FZD4: variants seen among roughly 807,000 people sequenced by gnomAD.
FZD4 encodes the protein frizzled-4.
FZD4 carries 16 observed loss-of-function variants against 37.3 expected under a neutral mutation model. That is an observed-to-expected ratio of 0.43 (90% CI 0.29 to 0.65). The LOEUF is 0.65. FZD4 is among the 30% of genes least tolerant of loss of function. The pLI is 0.16. For synonymous variants in FZD4, 246 were observed against 254.8 expected, an observed-to-expected ratio of 0.97 and a Z score of 0.33; for missense variants, 599 against 674.3, an observed-to-expected ratio of 0.89 and a Z score of 1.24.
At position 86,951,862 on chromosome 11, in the gene FZD4, C is replaced by G. The variant is rs2135040920; in HGVS notation, c.894G>C (p.Lys298Asn). Reference sequence around the variant, plus strand: ...AGAAAATTATTGCACATCCTGTGTTCTTAAGTCCTTCTTGGATGAGAACAG... The same window carrying G: ...AGAAAATTATTGCACATCCTGTGTTGTTAAGTCCTTCTTGGATGAGAACAG... ...AEPVLIQEGL[K>N]NTGCAIIFLL... The change falls in exon 2 of 2, where the codon AAG (lysine) becomes AAC (asparagine). Residue 298 changes from lysine (K) to asparagine (N), a missense_variant. Lys to Asn is a moderately conservative substitution (Grantham distance 94, BLOSUM62 0). This residue lies in a region of FZD4 where 357 missense variants were observed against 396.1 expected (regional missense o/e 0.90). Transcript: ENST00000531380. 1.2e-6 allele frequency: 2 copies of G among 1,613,590 alleles called. No homozygotes were observed. The highest frequency in any genetic ancestry group is 1.7e-6 in the Non-Finnish European group (2 of 1,180,002).
chr11:86,955,362 G>C lies in FZD4; in HGVS notation c.-277C>G, dbSNP rs962818789. ...GGCCGCGTCCGTTCGGCGTCTCCGC[G>C]AGGCCAGCCAGCAGCCAGCGCTGCG... On this transcript the variant is annotated 5_prime_UTR_variant, in exon 1 of 2. Transcript: ENST00000531380. 1.8e-5 allele frequency: 6 copies of C among 342,468 alleles called. No individual in the cohort carries two copies. The highest frequency in any genetic ancestry group is 2.3e-4 in the South Asian group (2 of 8,644). The allele number at this position is 342,468 out of a possible 1,614,324, so 21.2% of individuals were successfully genotyped here.
chr11:86,951,308 A>G lies in FZD4; in HGVS notation c.1448T>C (p.Met483Thr), dbSNP rs777938879. ...NMAVEMLKIFMSLLVGITSGM... is the reference protein window; with the variant it reads ...NMAVEMLKIFTSLLVGITSGM... ...TGAAGTGATGCCCACCAACAAAGACATAAAAATTTTCAACATTTCAACAGC... is the reference window on the plus strand; with the variant it reads ...TGAAGTGATGCCCACCAACAAAGACGTAAAAATTTTCAACATTTCAACAGC... Residue 483 changes from methionine (M) to threonine (T), a missense_variant, in exon 2 of 2, where the codon ATG (methionine) becomes ACG (threonine). Transcript: ENST00000531380. 1.1e-5 allele frequency: 17 copies of G among 1,614,048 alleles called. No individual in the cohort carries two copies. In the South Asian group the frequency reaches 1.9e-4, roughly 18 times the overall value.
In FZD4 at chr11:86,948,480, C is replaced by T. The variant is rs552525438; in HGVS notation, c.*2662G>A. ...ACCCCTCAGCCACAAAGTTCTTTTC[C>T]TGAAACCATAAACACTCTCCATTGT... On this transcript the variant is annotated 3_prime_UTR_variant, in exon 2 of 2. Coordinates refer to ENST00000531380, the MANE Select transcript of FZD4 (RefSeq NM_012193.4). The T allele has an allele frequency of 6.6e-6, 1 of 152,234 alleles. No homozygotes were observed. The highest frequency in any genetic ancestry group is 6.5e-5 in the Admixed American group (1 of 15,294). The allele number at this position is 152,234 out of a possible 1,614,324, so 9.4% of individuals were successfully genotyped here. A position where few individuals can be genotyped will look rare whatever the true frequency, so the allele number is the denominator to read the frequency against.
In FZD4 at chr11:86,951,846, T is replaced by C. The variant is rs765359794; in HGVS notation, c.910A>G (p.Ile304Val). The C allele has an allele frequency of 2.5e-6, 4 of 1,613,772 alleles. No individual in the cohort carries two copies. The Admixed American group carries it at 5.0e-5, about 20-fold the overall frequency. ...QEGLKNTGCAIIFLLMYFFGM... is the reference protein window; with the variant it reads ...QEGLKNTGCAVIFLLMYFFGM... ...AAAAAGTACATCAGCAAGAAAATTA[T>C]TGCACATCCTGTGTTCTTAAGTCCT... The change falls in exon 2 of 2, where the codon ATA (isoleucine) becomes GTA (valine). Residue 304 changes from isoleucine to valine, a missense_variant. Ile to Val is a conservative substitution (Grantham distance 29). This residue lies in a region of FZD4 where 357 missense variants were observed against 396.1 expected (regional missense o/e 0.90). Transcript: ENST00000531380.
At position 86,950,218 on chromosome 11, in the gene FZD4, T is replaced by G. The variant is rs1949278120; in HGVS notation, c.*924A>C. 1 of 152,574 alleles carries G rather than the reference T, an allele frequency of 6.6e-6. No individual in the cohort carries two copies. Among genetic ancestry groups the G allele is most frequent in the African/African-American group, 2.4e-5 (1 of 41,438 alleles). 9.5% of individuals were successfully genotyped at this position (152,574 alleles called of 1,614,324 possible). ...GTCTGCATAGATGCAATCACACAAGTAAAATATATTAAGTCCCCACTGCTC... is the reference window on the plus strand; with the variant it reads ...GTCTGCATAGATGCAATCACACAAGGAAAATATATTAAGTCCCCACTGCTC... On this transcript the variant is annotated 3_prime_UTR_variant, in exon 2 of 2. Coordinates refer to ENST00000531380, the MANE Select transcript of FZD4 (RefSeq NM_012193.4).
At chr11:86,953,762 G>A (rs1949314094) in intron 1 of FZD4, among the ~76,000 whole-genome samples, 1 of 152,070 alleles carries the variant, frequency 6.6e-6, no homozygotes, top group Non-Finnish European at 1.5e-5. Flanking sequence ...GATTACAGGC[G>A]CACGCCACCA....
Position 86,952,432 on chromosome 11 carries a change from C to G in FZD4, c.324G>C (p.Glu108Asp). Residue 108 changes from glutamate to aspartate, a missense_variant, in exon 2 of 2, where the codon GAG (glutamate) becomes GAC (aspartate). Transcript: ENST00000531380. ...LCSVYVPMCT[E>D]KINIPIGPCG... ...ATGGGCCAATGGGGATGTTGATCTTCTCTGTGCACATTGGCACATAAACAG... is the reference window on the plus strand; with the variant it reads ...ATGGGCCAATGGGGATGTTGATCTTGTCTGTGCACATTGGCACATAAACAG... The G allele has an allele frequency of 6.2e-7, 1 of 1,613,988 alleles. No individual in the cohort carries two copies.
Position 86,952,427 on chromosome 11 carries a change from A to G in FZD4, c.329T>C (p.Ile110Thr). 1 of 1,614,070 alleles carries G rather than the reference A, an allele frequency of 6.2e-7. No individual in the cohort carries two copies. Among genetic ancestry groups the G allele is most frequent in the Non-Finnish European group, 8.5e-7 (1 of 1,179,958 alleles). The change falls in exon 2 of 2, where the codon ATC (isoleucine) becomes ACC (threonine). Residue 110 changes from isoleucine (I) to threonine (T), a missense_variant. Transcript: ENST00000531380. Reference protein sequence around the residue: ...SVYVPMCTEKINIPIGPCGGM... With the variant: ...SVYVPMCTEKTNIPIGPCGGM... ...GCCGCATGGGCCAATGGGGATGTTG[A>G]TCTTCTCTGTGCACATTGGCACATA...
At position 86,951,387 on chromosome 11, in the gene FZD4, A is replaced by T; in HGVS notation, c.1369T>A (p.Tyr457Asn). 1 of 1,614,002 alleles carries T rather than the reference A, an allele frequency of 6.2e-7. No homozygotes were observed. The highest frequency in any genetic ancestry group is 1.1e-5 in the South Asian group (1 of 91,078). Reference sequence around the variant, plus strand: ...AAAAGTGCCCAGTTGGAGATTTCATAAAAATAACAGGCAATCACACACGTT... The same window carrying T: ...AAAAGTGCCCAGTTGGAGATTTCATTAAAATAACAGGCAATCACACACGTT... ...PATCVIACYF[Y>N]EISNWALFRY... The change falls in exon 2 of 2, where the codon TAT becomes AAT. Residue 457 changes from tyrosine (Y) to asparagine (N), a missense_variant. By Grantham distance (143) the Tyr-to-Asn change is moderately radical. Coordinates refer to ENST00000531380, the MANE Select transcript of FZD4 (RefSeq NM_012193.4).
At position 86,947,535 on chromosome 11, in the gene FZD4, T is replaced by C. The variant is rs533528848; in HGVS notation, c.*3607A>G. ...ACACACAAGCTTCCCGGAACCTGAG[T>C]TTGGAGAGTGCAGGTGAGACAGTGA... On this transcript the variant is annotated 3_prime_UTR_variant, in exon 2 of 2. Coordinates refer to ENST00000531380, the MANE Select transcript of FZD4 (RefSeq NM_012193.4). The C allele has an allele frequency of 6.6e-6, 1 of 152,142 alleles. No homozygotes were observed. Among genetic ancestry groups the C allele is most frequent in the Admixed American group, 6.5e-5 (1 of 15,284 alleles). 9.4% of individuals were successfully genotyped at this position (152,142 alleles called of 1,614,324 possible).
chr11:86,955,346 C>G lies in FZD4; in HGVS notation c.-261G>C, dbSNP rs1949327969. ...CCCACAAGCCGGCGCCGGCCGCGTC[C>G]GTTCGGCGTCTCCGCGAGGCCAGCC... On this transcript the variant is annotated 5_prime_UTR_variant, in exon 1 of 2. Coordinates refer to ENST00000531380, the MANE Select transcript of FZD4 (RefSeq NM_012193.4). 2 of 368,690 alleles carry G rather than the reference C, an allele frequency of 5.4e-6. No homozygotes were observed. Among genetic ancestry groups the G allele is most frequent in the African/African-American group, 4.2e-5 (2 of 47,322 alleles). The allele number at this position is 368,690 out of a possible 1,614,324, so 22.8% of individuals were successfully genotyped here.
rs542063724 is a variant in FZD4 at position 86,950,334 on chromosome 11, C to G, written c.*808G>C. On this transcript the variant is annotated 3_prime_UTR_variant, in exon 2 of 2. Coordinates refer to ENST00000531380, the MANE Select transcript of FZD4 (RefSeq NM_012193.4). ...AAGTGATTGTCAGAAAGTGAATCAC[C>G]CTTCCTTTTCCCCTCTTTAAGCATG... is the stretch of plus-strand genomic sequence containing the variant. 3.3e-5 allele frequency: 5 copies of G among 152,750 alleles called. No homozygotes were observed. In the East Asian group the frequency reaches 9.7e-4, roughly 29 times the overall value. 9.5% of individuals were successfully genotyped at this position (152,750 alleles called of 1,614,324 possible).
At position 86,955,062 on chromosome 11, in the gene FZD4, C is replaced by T. The variant is rs1347063410; in HGVS notation, c.24G>A (p.Pro8=). 1.9e-6 allele frequency: 3 copies of T among 1,577,084 alleles called. No homozygotes were observed. Among genetic ancestry groups the T allele is most frequent in the Non-Finnish European group, 1.7e-6 (2 of 1,164,806 alleles). The change falls in exon 1 of 2, where the codon CCG becomes CCA. Residue 8 remains proline, a synonymous_variant. Transcript: ENST00000531380. ...CGCCCCCGGGCGCCCCCGGGACGCT[C>T]GGCCCTGCGCCCCGCCAGGCCATGG... MAWRGAG[P]SVPGAPGGVG...
chr11:86,949,405 T>TGAAAAAAAAAAAAA lies in FZD4; in HGVS notation c.*1723_*1736dup, dbSNP rs1565396065. The TGAAAAAAAAAAAAA allele has an allele frequency of 7.0e-6, 1 of 143,506 alleles. No homozygotes were observed. Among genetic ancestry groups the TGAAAAAAAAAAAAA allele is most frequent in the African/African-American group, 2.7e-5 (1 of 37,134 alleles). The allele number at this position is 143,506 out of a possible 1,614,324, so 8.9% of individuals were successfully genotyped here. ...GAAATGTTTTTCCACAAAGTGTGAT[T>TGAAAAAAAAAAAAA]GAAAAAAAAAAAAAGAAAAAAAAAA... On this transcript the variant is annotated 3_prime_UTR_variant, in exon 2 of 2. Coordinates refer to ENST00000531380, the MANE Select transcript of FZD4 (RefSeq NM_012193.4).
Position 86,948,418 on chromosome 11 carries a change from A to T in FZD4, c.*2724T>A, listed in dbSNP as rs1268695070. 6.6e-6 allele frequency: 1 copy of T among 152,166 alleles called. No individual in the cohort carries two copies. The highest frequency in any genetic ancestry group is 1.5e-5 in the Non-Finnish European group (1 of 68,024). The allele number at this position is 152,166 out of a possible 1,614,324, so 9.4% of individuals were successfully genotyped here. A position where few individuals can be genotyped will look rare whatever the true frequency, so the allele number is the denominator to read the frequency against. ...GATTTTTTTAACAAATACCGATTTAAGAAGTGATGGAGTTGATTGAAGGTC... is the reference window on the plus strand; with the variant it reads ...GATTTTTTTAACAAATACCGATTTATGAAGTGATGGAGTTGATTGAAGGTC... On this transcript the variant is annotated 3_prime_UTR_variant, in exon 2 of 2. Coordinates refer to ENST00000531380, the MANE Select transcript of FZD4 (RefSeq NM_012193.4).
rs1024516631 is a variant in FZD4 at position 86,947,456 on chromosome 11, G to C, written c.*3686C>G. On this transcript the variant is annotated 3_prime_UTR_variant, in exon 2 of 2. Transcript: ENST00000531380. ...TTCAGTGACCATGAGGATGAGGGGA[G>C]CCAGAGAGTATAGAGCTAAAAGGTG... The C allele has an allele frequency of 1.3e-5, 2 of 152,302 alleles. No homozygotes were observed. Among genetic ancestry groups the C allele is most frequent in the Admixed American group, 1.3e-4 (2 of 15,284 alleles). 9.4% of individuals were successfully genotyped at this position (152,302 alleles called of 1,614,324 possible). A position where few individuals can be genotyped will look rare whatever the true frequency, so the allele number is the denominator to read the frequency against.
rs1251905596 is a variant in FZD4, at chr11:86,952,045, T to G, written c.711A>C (p.Thr237=). 2 of 1,613,962 alleles carry G rather than the reference T, an allele frequency of 1.2e-6. No individual in the cohort carries two copies. Among genetic ancestry groups the G allele is most frequent in the Non-Finnish European group, 1.7e-6 (2 of 1,179,972 alleles). ...ASLCFISTAF[T]VLTFLIDSSR... is the part of the protein sequence containing the mutation. ...AAGAATCGATCAGGAAGGTCAGTAC[T>G]GTGAAGGCAGTGGAGATGAAACACA... The change falls in exon 2 of 2, where the codon ACA becomes ACC. Residue 237 remains threonine, a synonymous_variant. Transcript: ENST00000531380.
intron 1 of FZD4, chr11:86,952,678 G>C (rs113117399): frequency 7.5e-5 from 41 of 547,184 alleles, no homozygotes; most frequent in African/African-American, 6.4e-4. Context: ...TTTGGCTTTA[G>C]TAATCCTTTC....
At position 86,950,813 on chromosome 11, in the gene FZD4, A is replaced by T. The variant is rs1166121216; in HGVS notation, c.*329T>A. 7.6e-6 allele frequency: 3 copies of T among 394,920 alleles called. No individual in the cohort carries two copies. Among genetic ancestry groups the T allele is most frequent in the Non-Finnish European group, 1.4e-5 (3 of 212,086 alleles). The allele number at this position is 394,920 out of a possible 1,614,324, so 24.5% of individuals were successfully genotyped here. A position where few individuals can be genotyped will look rare whatever the true frequency, so the allele number is the denominator to read the frequency against. On this transcript the variant is annotated 3_prime_UTR_variant, in exon 2 of 2. Coordinates refer to ENST00000531380, the MANE Select transcript of FZD4 (RefSeq NM_012193.4). ...CAGCTCAAATCCCACCCTGCAGGGG[A>T]AAACAGTATCGCCCTGGACTTCCTG... is the stretch of plus-strand genomic sequence containing the variant.
Sources: gnomAD v4.1 joint callset for allele counts (sites outside exome capture counted in the v4.1 genomes callset) on GRCh38, gnomAD v4.1.1 for gene constraint, gnomAD v4.1.1 regional missense constraint, MANE v1.5 for transcripts, NCBI Gene and HGNC (gene_info 2026-07-23, HGNC 2026-07-21) for gene names.